Variants in ANO2 observed in about 807,000 individuals in gnomAD.
The protein encoded by ANO2 is anoctamin-2.
A neutral mutation model predicts 124.2 loss-of-function variants in ANO2; 101 were observed. That is an observed-to-expected ratio of 0.81 (90% CI 0.69 to 0.96). The LOEUF is 0.96. Among genes scored for constraint, ANO2 ranks in the 40% least tolerant of loss-of-function variants. The probability of loss-of-function intolerance (pLI) is 0.00; values close to 1 mark genes in which losing one functional copy is unlikely to be tolerated. For synonymous variants in ANO2, 486 were observed against 482.5 expected, an observed-to-expected ratio of 1.01 and a Z score of -0.09; for missense variants, 1,293 against 1,274.5, an observed-to-expected ratio of 1.01 and a Z score of -0.22.
At chr12:5,615,144 A>T in intron 17 of ANO2, 42 bp downstream of exon 17, 1 of 1,526,454 alleles carries the variant, frequency 6.6e-7, no homozygotes, top group Non-Finnish European at 9.0e-7. Context: ...ACCCAGTCTT[A>T]GTGGCAAATT....
intron 1 of ANO2, among the ~76,000 whole-genome samples, chr12:5,926,882 T>G (rs1300217674): frequency 6.6e-6 from 1 of 152,246 alleles, no homozygotes; most frequent in Non-Finnish European, 1.5e-5. Flanking sequence ...GCTTAGTTTT[T>G]ACTTCGGTGA....
At position 5,658,050 on chromosome 12, in the gene ANO2, A is replaced by T. The variant is rs76420859; in HGVS notation, c.1546-10249T>A. On this transcript the variant is annotated intron_variant, in intron 14 of 24. Transcript: ENST00000682330. This position sits in a 1 kb window ranked among gnomAD's most constrained non-coding sequence, Gnocchi z 4.3. ...ATTTGAGAAAAAATATTATTTGCTC[A>T]TTTGTCTTTCTCTCCCTCTCCTCAT... is the stretch of plus-strand genomic sequence containing the variant. 5.5e-3 allele frequency among the ~76,000 whole-genome samples: 834 copies of T among 151,300 alleles called. 7 individuals carry two copies. The highest frequency in any genetic ancestry group is 0.019 in the African/African-American group (773 of 41,368).
At chr12:5,844,578 T>C (rs1565716781) in intron 4 of ANO2, among the ~76,000 whole-genome samples, 1 of 152,236 alleles carries the variant, frequency 6.6e-6, no homozygotes, top group African/African-American at 2.4e-5. Context: ...TTTAAAGCTA[T>C]GGTAGATAAT....
chr12:5,863,629 A>G (rs1332518036), intron 3 of ANO2, among the ~76,000 whole-genome samples: 1 of 152,212 alleles, frequency 6.6e-6, no homozygotes, highest in African/African-American at 2.4e-5. Context: ...TCTTGATTAC[A>G]AGACAGTGAT....
intron 3 of ANO2, among the ~76,000 whole-genome samples, chr12:5,859,895 A>C (rs1334272664): frequency 6.6e-6 from 1 of 152,046 alleles, no homozygotes; most frequent in Non-Finnish European, 1.5e-5. Context: ...CACTAAGTAA[A>C]CTGGTAGAGA....
In ANO2 at chr12:5,615,268, C is replaced by G; in HGVS notation, c.1846G>C (p.Glu616Gln). The change falls in exon 17 of 25, where the codon GAG (glutamate) becomes CAG (glutamine). Residue 616 changes from glutamate (E) to glutamine (Q), a missense_variant. By Grantham distance (29) the Glu-to-Gln change is conservative (BLOSUM62 2). Transcript: ENST00000682330. The part of the protein sequence containing the change: ...EVPKTEQTFE[E>Q]RLILKAFLLK... ...AAGAAAGCTTTGAGGATCAGGCGCT[C>G]TTCAAAAGTCTGTTCTGTTTTCGGA... 1 of 1,613,510 alleles carries G rather than the reference C, an allele frequency of 6.2e-7. No individual in the cohort carries two copies. The highest frequency in any genetic ancestry group is 8.5e-7 in the Non-Finnish European group (1 of 1,179,714).
chr12:5,906,917 G>A (rs977778466), intron 3 of ANO2, among the ~76,000 whole-genome samples: 3 of 152,232 alleles, frequency 2.0e-5, no homozygotes, highest in African/African-American at 7.2e-5. Flanking sequence ...TCTAGAAGGT[G>A]TACTAGGTGC....
At chr12:5,678,418 C>G (rs1374580776) in intron 14 of ANO2, among the ~76,000 whole-genome samples, 2 of 152,186 alleles carry the variant, frequency 1.3e-5, no homozygotes, top group African/African-American at 4.8e-5. Flanking sequence ...AACTGGGTGG[C>G]AGGGGTATCT....
chr12:5,899,176 G>C (rs1940005153), intron 3 of ANO2, among the ~76,000 whole-genome samples: 1 of 152,186 alleles, frequency 6.6e-6, no homozygotes, highest in Admixed American at 6.5e-5. Flanking sequence ...TCTGGGTGAT[G>C]CTTCCAGCTT....
chr12:5,847,516 G>A (rs765559561), intron 4 of ANO2, among the ~76,000 whole-genome samples: 1 of 151,252 alleles, frequency 6.6e-6, no homozygotes, highest in East Asian at 2.0e-4. Flanking sequence ...CCTAATACAA[G>A]CCTCAAATCT....
chr12:5,633,039 G>A (rs140121841), intron 16 of ANO2, among the ~76,000 whole-genome samples: 164 of 152,208 alleles, frequency 1.1e-3, no homozygotes, highest in African/African-American at 3.8e-3. Flanking sequence ...AGCGGGTAGG[G>A]GACATTTATT....
chr12:5,946,004 G>T, upstream of ANO2: 1 of 899,058 alleles, frequency 1.1e-6, no homozygotes, highest in Non-Finnish European at 1.8e-6. This position sits in a 1 kb window ranked among gnomAD's most constrained non-coding sequence, Gnocchi z 4.1. Context: ...CAGGGGGATG[G>T]GAGGGAAGAC....
intron 14 of ANO2, among the ~76,000 whole-genome samples, chr12:5,680,113 C>T (rs1214377083): frequency 6.6e-6 from 1 of 152,090 alleles, no homozygotes; most frequent in East Asian, 1.9e-4. Flanking sequence ...ACTGGGGGAA[C>T]AACACACACT....
intron 14 of ANO2, among the ~76,000 whole-genome samples, chr12:5,689,630 T>A (rs10849325): frequency 0.37 from 56,797 of 151,818 alleles, 12,386 homozygotes; most frequent in East Asian, 0.59. Flanking sequence ...CTCACCTAGG[T>A]TCTCTGAATT....
At chr12:5,744,786 C>T (rs1214546973) in intron 11 of ANO2, among the ~76,000 whole-genome samples, 2 of 152,090 alleles carry the variant, frequency 1.3e-5, no homozygotes, top group Non-Finnish European at 2.9e-5. Context: ...GAAACAAACA[C>T]GAGTGTGTGG....
chr12:5,744,068 T>C (rs1163662264), intron 12 of ANO2, 89 bp downstream of exon 12: 22 of 1,504,158 alleles, frequency 1.5e-5, no homozygotes, highest in Non-Finnish European at 2.0e-5. Flanking sequence ...CGAAAGTAAG[T>C]AACCTGAAGG....
chr12:5,723,922 C>T (rs926070915), intron 14 of ANO2, among the ~76,000 whole-genome samples: 4 of 152,106 alleles, frequency 2.6e-5, no homozygotes, highest in African/African-American at 9.7e-5. Flanking sequence ...CCTTATCAGA[C>T]CGGCTCAGGG....
chr12:5,726,954 A>G (rs971095187), intron 14 of ANO2, among the ~76,000 whole-genome samples: 1 of 152,222 alleles, frequency 6.6e-6, no homozygotes, highest in African/African-American at 2.4e-5. Flanking sequence ...TAATGGTACC[A>G]TAACTCCTAC....
chr12:5,913,576 G>A (rs1941184873), intron 3 of ANO2, among the ~76,000 whole-genome samples: 1 of 152,234 alleles, frequency 6.6e-6, no homozygotes, highest in Non-Finnish European at 1.5e-5. Flanking sequence ...ACTATAAAGT[G>A]CTTGGTTGGT....
Sources: gnomAD v4.1 joint callset for allele counts (sites outside exome capture counted in the v4.1 genomes callset) on GRCh38, gnomAD v4.1.1 for gene constraint, Gnocchi (gnomAD v3.1) non-coding constraint, MANE v1.5 for transcripts, NCBI Gene and HGNC (gene_info 2026-07-23, HGNC 2026-07-21) for gene names.